Variants in ZMYM1 observed in about 807,000 individuals in gnomAD.
ZMYM1 encodes the protein zinc finger MYM-type protein 1.
ZMYM1 carries 39 observed loss-of-function variants against 60.0 expected under a neutral mutation model. The ratio of observed to expected loss-of-function variants is 0.65; its 90% CI spans 0.50 to 0.85. The LOEUF (loss-of-function observed/expected upper bound fraction) is 0.85, where lower values mean the gene tolerates loss of function less well. ZMYM1 is among the 40% of genes least tolerant of loss of function. ZMYM1 has a pLI of 0.00. For missense variants in ZMYM1, 1,171 were observed against 1,309.5 expected (o/e 0.89, Z 1.63); for synonymous variants, 413 against 454.0 (o/e 0.91, Z 1.15).
intron 6 of ZMYM1, among the ~76,000 whole-genome samples, chr1:35,108,743 C>T (rs1454313277): frequency 1.4e-5 from 2 of 147,118 alleles, no homozygotes; most frequent in East Asian, 2.0e-4. Context: ...CTTGCTTTTC[C>T]ACCCAGGATG....
Position 35,114,411 on chromosome 1 carries a change from TG to T in ZMYM1, c.2582del (p.Cys861PhefsTer2). On this transcript the variant is annotated frameshift_variant, in exon 10 of 10. Coordinates refer to ENST00000359858, the MANE Select transcript of ZMYM1 (RefSeq NM_024772.5). LOFTEE classifies it high-confidence loss of function. ...TLVSKFEFVFCLKFLYRVLSV... is the reference protein window; with the variant it reads ...TLVSKFEFVFXLKFLYRVLSV... ...GGTTTCCAAATTTGAATTTGTCTTT[TG>T]TTTGAAATTCCTGTATCGAGTGCTG... The T allele has an allele frequency of 1.2e-6, 2 of 1,613,294 alleles. No homozygotes were observed. The highest frequency in any genetic ancestry group is 1.7e-6 in the Non-Finnish European group (2 of 1,179,474).
downstream of ZMYM1, among the ~76,000 whole-genome samples, chr1:35,118,207 C>T (rs1410472770): frequency 2.1e-5 from 3 of 145,272 alleles, no homozygotes; most frequent in Non-Finnish European, 4.5e-5. Flanking sequence ...TGCCATTGCA[C>T]TCCAGCCTGG....
intron 1 of ZMYM1, among the ~76,000 whole-genome samples, chr1:35,064,449 T>G (rs1641933120): frequency 6.6e-6 from 1 of 151,744 alleles, no homozygotes; most frequent in Admixed American, 6.6e-5. Flanking sequence ...CATCAAACAA[T>G]TGGATCTAAT....
chr1:35,066,640 A>C (rs762914692), intron 1 of ZMYM1, among the ~76,000 whole-genome samples: 36 of 152,238 alleles, frequency 2.4e-4, no homozygotes, highest in Non-Finnish European at 4.1e-4. Context: ...ATGGTGAGCT[A>C]TAGGTGTTCG....
chr1:35,084,021 C>T (rs905822302), intron 1 of ZMYM1, among the ~76,000 whole-genome samples: 2 of 152,158 alleles, frequency 1.3e-5, no homozygotes, highest in African/African-American at 2.4e-5. Context: ...TATTCTAGAA[C>T]TGAATAGGAA....
intron 6 of ZMYM1, among the ~76,000 whole-genome samples, chr1:35,106,740 G>A (rs910736430): frequency 5.3e-5 from 8 of 152,036 alleles, no homozygotes; most frequent in Non-Finnish European, 1.0e-4. Context: ...GGACCAGAAC[G>A]GAAAGCACAG....
chr1:35,067,263 G>T (rs1378421163), intron 1 of ZMYM1, among the ~76,000 whole-genome samples: 1 of 152,048 alleles, frequency 6.6e-6, no homozygotes, highest in Non-Finnish European at 1.5e-5. Flanking sequence ...ACAGGCATGA[G>T]CCACCGTGCT....
In ZMYM1 at chr1:35,110,345, G is replaced by A; in HGVS notation, c.859G>A (p.Asp287Asn). The A allele has an allele frequency of 6.3e-7, 1 of 1,590,662 alleles. No homozygotes were observed. The highest frequency in any genetic ancestry group is 8.5e-7 in the Non-Finnish European group (1 of 1,170,724). The change falls in exon 7 of 10, where the codon GAT becomes AAT. Residue 287 changes from aspartate to asparagine, a missense_variant. Asp to Asn is a conservative substitution (Grantham distance 23). Transcript: ENST00000359858. Reference protein sequence around the residue: ...SVPCKPLKPSDEMIETTSDLG... With the variant: ...SVPCKPLKPSNEMIETTSDLG... ...TCCTTGCAAACCATTGAAGCCCTCA[G>A]ATGAAATGATTGAGACTACGAGTGA...
At chr1:35,088,097 T>A (rs1411730519) in intron 1 of ZMYM1, among the ~76,000 whole-genome samples, 1 of 151,662 alleles carries the variant, frequency 6.6e-6, no homozygotes, top group Non-Finnish European at 1.5e-5. Context: ...TTGTCTGCTC[T>A]TATCATATTT....
rs867017783 is a variant in ZMYM1 at position 35,060,152 on chromosome 1, A to G, written c.-301+227A>G. ...GGAAATACTATTTGTTGTTATTATT[A>G]TTATTATTATTATTATTATTATTAT... On this transcript the variant is annotated intron_variant, in intron 1 of 10. Transcript: ENST00000417119. Among the ~76,000 whole-genome samples, 351 of 133,598 alleles carry G rather than the reference A, an allele frequency of 2.6e-3. 2 individuals carry two copies. The highest frequency in any genetic ancestry group is 0.012 in the African/African-American group (324 of 28,122). 87.6% of individuals were successfully genotyped at this position (133,598 alleles called of 152,430 possible).
chr1:35,106,026 C>T (rs1026203668), intron 6 of ZMYM1, among the ~76,000 whole-genome samples: 4 of 152,006 alleles, frequency 2.6e-5, no homozygotes, highest in East Asian at 1.9e-4. Context: ...GAGACCAAGG[C>T]GGGAGGTTCA....
intron 1 of ZMYM1, among the ~76,000 whole-genome samples, chr1:35,092,640 T>A (rs1643093956): frequency 6.6e-6 from 1 of 151,602 alleles, no homozygotes; most frequent in East Asian, 1.9e-4. Context: ...CCTTTTCTTT[T>A]CTTTCTTGAC....
intron 3 of ZMYM1, 92 bp downstream of exon 3, chr1:35,095,983 G>T: frequency 9.9e-7 from 1 of 1,015,116 alleles, no homozygotes; most frequent in South Asian, 1.4e-5. Context: ...TGCTTTGTTT[G>T]TGTTGGGTTT....
At chr1:35,067,549 G>C (rs1200676853) in intron 1 of ZMYM1, among the ~76,000 whole-genome samples, 1 of 151,990 alleles carries the variant, frequency 6.6e-6, no homozygotes, top group African/African-American at 2.4e-5. Context: ...TCAGGTGATG[G>C]GTTCACCAAA....
chr1:35,074,311 T>C (rs1642127453), intron 1 of ZMYM1, among the ~76,000 whole-genome samples: 1 of 152,208 alleles, frequency 6.6e-6, no homozygotes, highest in Non-Finnish European at 1.5e-5. Flanking sequence ...TAATGCTCAG[T>C]TGAGAAGAAT....
At position 35,065,293 on chromosome 1, in the gene ZMYM1, C is replaced by CAA. The variant is rs56945075; in HGVS notation, c.-301+5379_-301+5380dup. ...CTGGTTCATTCCCGGCTTTCGGCAC[C>CAA]AAAAAAAAAAAATGACTTTTATGAC... On this transcript the variant is annotated intron_variant, in intron 1 of 10. Coordinates refer to the ZMYM1 transcript ENST00000417119. Among the ~76,000 whole-genome samples, 107 of 134,958 alleles carry CAA rather than the reference C, an allele frequency of 7.9e-4. 1 individual carries two copies. The South Asian group carries it at 0.016, about 20-fold the overall frequency. 88.5% of individuals were successfully genotyped at this position (134,958 alleles called of 152,430 possible). A position where few individuals can be genotyped will look rare whatever the true frequency, so the allele number is the denominator to read the frequency against.
At chr1:35,060,730 A>G (rs1641858788) in intron 1 of ZMYM1, among the ~76,000 whole-genome samples, 1 of 152,172 alleles carries the variant, frequency 6.6e-6, no homozygotes, top group South Asian at 2.1e-4. Flanking sequence ...CTGGAGCAAG[A>G]TCAGGCAGAG....
chr1:35,114,116 A>G lies in ZMYM1; in HGVS notation c.2286A>G (p.Lys762=), dbSNP rs773106138. 1.9e-6 allele frequency: 3 copies of G among 1,612,470 alleles called. No individual in the cohort carries two copies. Among genetic ancestry groups the G allele is most frequent in the Non-Finnish European group, 2.5e-6 (3 of 1,179,552 alleles). Residue 762 remains lysine (K), a synonymous_variant, in exon 10 of 10, where the codon AAA becomes AAG. Transcript: ENST00000359858. ...LSIIRFCKEV[K]ELRSALKTLS... ...TAATTAGGTTTTGTAAAGAAGTAAA[A>G]GAACTCCGAAGTGCTCTAAAAACTC...
chr1:35,091,557 A>C (rs1356463873), intron 1 of ZMYM1, among the ~76,000 whole-genome samples: 1 of 152,022 alleles, frequency 6.6e-6, no homozygotes. Context: ...GCCACAGCTC[A>C]GGAATGTTGG....
Sources: allele counts gnomAD v4.1 joint callset (sites outside exome capture counted in the v4.1 genomes callset), GRCh38; gene constraint gnomAD v4.1.1; transcripts MANE v1.5; gene names NCBI Gene and HGNC (gene_info 2026-07-23, HGNC 2026-07-21).